RASSF8: variants seen among roughly 807,000 people sequenced by gnomAD.
The protein encoded by RASSF8 is ras association domain-containing protein 8.
In RASSF8, 22 loss-of-function variants were observed where a neutral mutation model predicts 48.5. The observed-to-expected ratio is 0.45, with a 90% confidence interval of 0.32 to 0.65. The LOEUF is 0.65. Among genes scored for constraint, RASSF8 ranks in the 30% least tolerant of loss-of-function variants. The probability of loss-of-function intolerance (pLI) is 0.03; values close to 1 mark genes in which losing one functional copy is unlikely to be tolerated. For synonymous variants in RASSF8, 127 were observed against 171.5 expected (o/e 0.74, Z 2.03); for missense variants, 418 against 489.2 (o/e 0.85, Z 1.37).
At chr12:26,048,840 A>C (rs1317966748) in intron 2 of RASSF8, among the ~76,000 whole-genome samples, 1 of 150,526 alleles carries the variant, frequency 6.6e-6, no homozygotes, top group African/African-American at 2.5e-5. Context: ...CGCAACCTCC[A>C]CCTCTCATGT....
At chr12:26,018,825 G>A (rs756759584) in intron 2 of RASSF8, among the ~76,000 whole-genome samples, 1 of 152,324 alleles carries the variant, frequency 6.6e-6, no homozygotes. Context: ...AAGTTATTTA[G>A]AATAACTGCT....
downstream of RASSF8, among the ~76,000 whole-genome samples, chr12:26,076,259 C>CT (rs569817249): frequency 0.017 from 2,414 of 144,216 alleles, 28 homozygotes; most frequent in African/African-American, 0.038. Flanking sequence ...TCACAAAAAT[C>CT]TTTTTTTTTT....
intron 3 of RASSF8, among the ~76,000 whole-genome samples, chr12:26,060,227 C>T (rs1386788778): frequency 6.6e-6 from 1 of 152,102 alleles, no homozygotes; most frequent in African/African-American, 2.4e-5. Flanking sequence ...TAGTAGTGAG[C>T]TTATCATATA....
rs1171181602 is a variant in RASSF8, at chr12:26,071,399, T to C, written c.*2581T>C. The C allele has an allele frequency of 9.5e-6, 9 of 944,246 alleles. No individual in the cohort carries two copies. Among genetic ancestry groups the C allele is most frequent in the Non-Finnish European group, 1.1e-5 (9 of 793,738 alleles). The allele number at this position is 944,246 out of a possible 1,614,324, so 58.5% of individuals were successfully genotyped here. On this transcript the variant is annotated 3_prime_UTR_variant, in exon 6 of 6. Coordinates refer to ENST00000689635, the MANE Select transcript of RASSF8 (RefSeq NM_001394098.1). ...AATACTAAATTAGATTTCAATGTTTTGTGTTTTTTTTAAAAAAATCATATT... is the reference window on the plus strand; with the variant it reads ...AATACTAAATTAGATTTCAATGTTTCGTGTTTTTTTTAAAAAAATCATATT...
chr12:26,058,283 G>A (rs185871039), intron 3 of RASSF8, among the ~76,000 whole-genome samples: 5 of 152,198 alleles, frequency 3.3e-5, no homozygotes, highest in African/African-American at 9.7e-5. Flanking sequence ...GCAAGTAGCC[G>A]AGAGCTGTGG....
At chr12:26,025,609 AACTC>A (rs1449846398) in intron 2 of RASSF8, among the ~76,000 whole-genome samples, 2 of 151,786 alleles carry the variant, frequency 1.3e-5, no homozygotes, top group African/African-American at 4.8e-5. Context: ...AAAAAGAACT[AACTC>A]TGTTTGCAGA....
rs949784020 is a variant in RASSF8, at chr12:26,069,601, G to T, written c.*783G>T. On this transcript the variant is annotated 3_prime_UTR_variant, in exon 6 of 6. Transcript: ENST00000689635. Reference sequence around the variant, plus strand: ...AAGTATGTATCCAAACAGGCATGGGGTTTCCTGATACATTATGTGTTTTGT... The same window carrying T: ...AAGTATGTATCCAAACAGGCATGGGTTTTCCTGATACATTATGTGTTTTGT... The T allele has an allele frequency of 2.0e-6, 2 of 985,274 alleles. No individual in the cohort carries two copies. The highest frequency in any genetic ancestry group is 1.7e-5 in the African/African-American group (1 of 57,224). 61.0% of individuals were successfully genotyped at this position (985,274 alleles called of 1,614,324 possible).
intron 5 of RASSF8, among the ~76,000 whole-genome samples, chr12:26,068,003 T>C (rs1943917483): frequency 6.6e-6 from 1 of 152,072 alleles, no homozygotes; most frequent in Admixed American, 6.6e-5. Context: ...ACTCCTGAGC[T>C]CAAGTGATAT....
At chr12:26,017,629 A>G (rs1942682076) in intron 2 of RASSF8, among the ~76,000 whole-genome samples, 1 of 152,196 alleles carries the variant, frequency 6.6e-6, no homozygotes, top group Non-Finnish European at 1.5e-5. Context: ...AACGCACCCA[A>G]GGTGAGTGTT....
At chr12:25,992,222 T>C (rs1255563613) in intron 1 of RASSF8, among the ~76,000 whole-genome samples, 1 of 152,196 alleles carries the variant, frequency 6.6e-6, no homozygotes, top group Non-Finnish European at 1.5e-5. Context: ...ACTTATGTGT[T>C]AGGCAATGTG....
intron 1 of RASSF8, among the ~76,000 whole-genome samples, chr12:25,984,454 G>C (rs757635497): frequency 1.3e-5 from 2 of 151,064 alleles, no homozygotes; most frequent in Non-Finnish European, 3.0e-5. Flanking sequence ...GCAATTCTCT[G>C]GCCTCAGCCT....
chr12:25,965,307 C>G (rs560625235), intron 1 of RASSF8, among the ~76,000 whole-genome samples: 1 of 150,428 alleles, frequency 6.6e-6, no homozygotes, highest in South Asian at 2.1e-4. Context: ...TACAATTTTA[C>G]AAGATTTGAT....
At chr12:25,965,337 C>A (rs1487200380) in intron 1 of RASSF8, among the ~76,000 whole-genome samples, 1 of 148,606 alleles carries the variant, frequency 6.7e-6, no homozygotes. Flanking sequence ...CACATGAAAT[C>A]ATTCCCACAT....
At position 26,071,369 on chromosome 12, in the gene RASSF8, T is replaced by C. The variant is rs1943996632; in HGVS notation, c.*2551T>C. 1 of 957,238 alleles carries C rather than the reference T, an allele frequency of 1.0e-6. No homozygotes were observed. Among genetic ancestry groups the C allele is most frequent in the Non-Finnish European group, 1.2e-6 (1 of 804,594 alleles). 59.3% of individuals were successfully genotyped at this position (957,238 alleles called of 1,614,324 possible). ...ATTTTCATCTGGGGGAATGTTCAGG[T>C]TCTAAATACTAAATTAGATTTCAAT... On this transcript the variant is annotated 3_prime_UTR_variant, in exon 6 of 6. Transcript: ENST00000689635.
At chr12:26,017,826 A>G (rs1215059538) in intron 2 of RASSF8, among the ~76,000 whole-genome samples, 1 of 152,246 alleles carries the variant, frequency 6.6e-6, no homozygotes, top group Non-Finnish European at 1.5e-5. Flanking sequence ...AAAACTTCAC[A>G]TGGAGTGACT....
chr12:26,020,087 CAGTTAAAAATCTGGAGAAGAGGG>C (rs1942751451), intron 2 of RASSF8: 1 of 151,706 alleles, frequency 6.6e-6, no homozygotes, highest in Non-Finnish European at 1.5e-5. Context: ...CAAAATAAAT[CAGTTAAAAATCTGGAGAAGAGGG>C]ACTTACCCTG....
intron 1 of RASSF8, chr12:25,973,934 G>T (rs1941542769): frequency 6.6e-6 from 1 of 152,222 alleles, no homozygotes; most frequent in South Asian, 2.1e-4. Flanking sequence ...CCCAAATGGA[G>T]TAAGAACCCG....
intron 1 of RASSF8, among the ~76,000 whole-genome samples, chr12:25,986,843 T>G (rs1383487466): frequency 6.6e-6 from 1 of 152,232 alleles, no homozygotes. Context: ...TTCTCCCCTC[T>G]TATGGATTCG....
chr12:25,961,427 T>C (rs1470080134), intron 1 of RASSF8, among the ~76,000 whole-genome samples: 2 of 152,052 alleles, frequency 1.3e-5, no homozygotes, highest in Non-Finnish European at 2.9e-5. Context: ...TAATATAACG[T>C]TTATTTACTC....
Sources: gnomAD v4.1 joint callset for allele counts (sites outside exome capture counted in the v4.1 genomes callset) on GRCh38, gnomAD v4.1.1 for gene constraint, MANE v1.5 for transcripts, NCBI Gene and HGNC (gene_info 2026-07-23, HGNC 2026-07-21) for gene names.